FGF12: variants seen among roughly 807,000 people sequenced by gnomAD.
FGF12 encodes the protein fibroblast growth factor 12.
In FGF12, 14 loss-of-function variants were observed where a neutral mutation model predicts 23.6. That is an observed-to-expected ratio of 0.59 (90% CI 0.39 to 0.93). The LOEUF is 0.93. FGF12 is among the 40% of genes least tolerant of loss of function. The pLI is 0.00. For synonymous variants in FGF12, 62 were observed against 77.3 expected, an observed-to-expected ratio of 0.80 and a Z score of 1.04; for missense variants, 175 against 217.8, an observed-to-expected ratio of 0.80 and a Z score of 1.24.
chr3:192,717,297 A>AC (rs1177727333), intron 2 of FGF12, among the ~76,000 whole-genome samples: 2 of 152,258 alleles, frequency 1.3e-5, no homozygotes, highest in Non-Finnish European at 2.9e-5. Context: ...AAATTACTTA[A>AC]CATCTCTATG....
intron 2 of FGF12, among the ~76,000 whole-genome samples, chr3:192,633,235 A>T (rs964474343): frequency 6.6e-6 from 1 of 151,886 alleles, no homozygotes; most frequent in African/African-American, 2.4e-5. Context: ...TAGTAGAGAC[A>T]AGGTTTCATC....
chr3:192,723,066 C>T (rs1053300050), intron 2 of FGF12, among the ~76,000 whole-genome samples: 4 of 152,084 alleles, frequency 2.6e-5, no homozygotes, highest in African/African-American at 7.2e-5. Context: ...ACTATATTCA[C>T]TCTGTTTAGA....
At chr3:192,228,286 G>A (rs955904264) in intron 4 of FGF12, among the ~76,000 whole-genome samples, 1 of 151,936 alleles carries the variant, frequency 6.6e-6, no homozygotes, top group African/African-American at 2.4e-5. Context: ...TAAAAAATAA[G>A]TGATTATAGA....
At chr3:192,254,381 A>G in intron 4 of FGF12, among the ~76,000 whole-genome samples, 1 of 151,856 alleles carries the variant, frequency 6.6e-6, no homozygotes, top group African/African-American at 2.4e-5. Flanking sequence ...AGTGTATTTC[A>G]TTGTGCATAT....
intron 4 of FGF12, among the ~76,000 whole-genome samples, chr3:192,296,232 T>A (rs1384817450): frequency 3.3e-5 from 5 of 150,084 alleles, no homozygotes; most frequent in South Asian, 2.1e-4. Flanking sequence ...TATTTTATTT[T>A]TTTTTTTTTG....
chr3:192,657,430 A>AAAC (rs1553844596), intron 2 of FGF12, among the ~76,000 whole-genome samples: 18 of 151,698 alleles, frequency 1.2e-4, no homozygotes, highest in East Asian at 1.9e-4. Flanking sequence ...TAAAAAAAAA[A>AAAC]AACAGAGAAC....
intron 2 of FGF12, among the ~76,000 whole-genome samples, chr3:192,444,418 T>TC (rs1471739013): frequency 2.6e-5 from 4 of 152,190 alleles, no homozygotes; most frequent in African/African-American, 7.2e-5. Context: ...TTTTGTCTTT[T>TC]TTTTTATCTT....
Position 192,378,026 on chromosome 3 carries a change from T to TTTCTCTCTC in FGF12, c.14-17489_14-17488insGAGAGAGAA, listed in dbSNP as rs1553804997. Among the ~76,000 whole-genome samples the TTTCTCTCTC allele has an allele frequency of 6.6e-4, 46 of 69,448 alleles. 4 individuals carry two copies. The highest frequency in any genetic ancestry group is 1.3e-3 in the African/African-American group (17 of 13,556). 45.6% of individuals were successfully genotyped at this position (69,448 alleles called of 152,430 possible). A position where few individuals can be genotyped will look rare whatever the true frequency, so the allele number is the denominator to read the frequency against. On this transcript the variant is annotated intron_variant, in intron 2 of 5. Coordinates refer to ENST00000445105, the MANE Select transcript of FGF12 (RefSeq NM_004113.6). ...GAGATCCCTTTCTTCTGACTCTTTC[T>TTTCTCTCTC]TTTCTTTCTTTCTTTCTTTCTTTCT...
chr3:192,144,246 TA>T (rs1196605070), intron 5 of FGF12, 119 bp from the exon 6 acceptor site: 3 of 620,028 alleles, frequency 4.8e-6, no homozygotes, highest in East Asian at 2.8e-5. Flanking sequence ...CTTCTCATTA[TA>T]AAAAAACAGT....
chr3:192,341,340 T>C (rs75003056), intron 3 of FGF12, among the ~76,000 whole-genome samples: 8 of 152,270 alleles, frequency 5.3e-5, no homozygotes, highest in African/African-American at 1.7e-4. Context: ...TATTTCTCTC[T>C]ACAAGAAATG....
At chr3:192,705,340 C>T (rs1577131788) in intron 2 of FGF12, among the ~76,000 whole-genome samples, 1 of 152,150 alleles carries the variant, frequency 6.6e-6, no homozygotes, top group Admixed American at 6.5e-5. Flanking sequence ...TTAATATCTT[C>T]GTGTCTCAGG....
intron 2 of FGF12, among the ~76,000 whole-genome samples, chr3:192,698,413 C>G (rs1173546649): frequency 6.6e-6 from 1 of 152,098 alleles, no homozygotes; most frequent in East Asian, 1.9e-4. Context: ...TCTTTTATCA[C>G]AAAATACAGG....
At chr3:192,615,371 G>A (rs1469775488) in intron 2 of FGF12, among the ~76,000 whole-genome samples, 2 of 151,824 alleles carry the variant, frequency 1.3e-5, no homozygotes, top group Non-Finnish European at 2.9e-5. Context: ...ACATTTTAGA[G>A]TGTTTAGAAT....
intron 2 of FGF12, among the ~76,000 whole-genome samples, chr3:192,718,087 A>G (rs1718916558): frequency 6.6e-6 from 1 of 151,990 alleles, no homozygotes; most frequent in South Asian, 2.1e-4. Context: ...AACTAAAGAA[A>G]ATCAGACTTC....
chr3:192,492,891 G>C (rs1723840273), intron 2 of FGF12, among the ~76,000 whole-genome samples: 1 of 151,156 alleles, frequency 6.6e-6, no homozygotes, highest in Admixed American at 6.6e-5. Context: ...GAGATAAGAA[G>C]TGATGATGCC....
At chr3:192,372,091 T>A (rs1303476233) in intron 2 of FGF12, among the ~76,000 whole-genome samples, 2 of 152,228 alleles carry the variant, frequency 1.3e-5, no homozygotes, top group African/African-American at 4.8e-5. Context: ...AATAAAAGCA[T>A]CCTCATTTGG....
At chr3:192,568,765 C>T (rs1196035423) in intron 2 of FGF12, among the ~76,000 whole-genome samples, 1 of 152,046 alleles carries the variant, frequency 6.6e-6, no homozygotes, top group Non-Finnish European at 1.5e-5. Context: ...AAATCCATAA[C>T]CCAGTAGGAG....
Position 192,408,342 on chromosome 3 carries a change from A to G in FGF12, c.14-47804T>C, listed in dbSNP as rs2108776304. 3 of 1,431,570 alleles carry G rather than the reference A, an allele frequency of 2.1e-6. No individual in the cohort carries two copies. Among genetic ancestry groups the G allele is most frequent in the East Asian group, 5.1e-5 (2 of 39,418 alleles). The allele number at this position is 1,431,570 out of a possible 1,614,324, so 88.7% of individuals were successfully genotyped here. A position where few individuals can be genotyped will look rare whatever the true frequency, so the allele number is the denominator to read the frequency against. ...AGGGCAGTCGCGGGGAGGCAGTGCT[A>G]AAATTTGAGGAGGCTGCAGTATCGA... On this transcript the variant is annotated intron_variant, in intron 2 of 5. Transcript: ENST00000445105. The surrounding 1 kb of genome is among the most constrained non-coding windows in gnomAD (Gnocchi z 7.3).
Position 192,332,035 on chromosome 3 carries a change from C to A in FGF12, c.228+3326G>T, listed in dbSNP as rs117337422. Among the ~76,000 whole-genome samples the A allele has an allele frequency of 4.4e-3, 676 of 152,054 alleles. 17 individuals carry two copies. In the East Asian group the frequency reaches 0.046, roughly 10 times the overall value. Reference sequence around the variant, plus strand: ...TTAGAAGAAAAGTGAAATCAGAGACCAAATTTGATATACACACACAAACAA... The same window carrying A: ...TTAGAAGAAAAGTGAAATCAGAGACAAAATTTGATATACACACACAAACAA... On this transcript the variant is annotated intron_variant, in intron 4 of 5. Coordinates refer to ENST00000445105, the MANE Select transcript of FGF12 (RefSeq NM_004113.6).
Sources: gnomAD v4.1 joint callset for allele counts (sites outside exome capture counted in the v4.1 genomes callset) on GRCh38, gnomAD v4.1.1 for gene constraint, Gnocchi (gnomAD v3.1) non-coding constraint, MANE v1.5 for transcripts, NCBI Gene and HGNC (gene_info 2026-07-23, HGNC 2026-07-21) for gene names.